The following ENKUR variants were observed in gnomAD, a reference collection of about 807,000 sequenced individuals.
The protein encoded by ENKUR is enkurin.
A neutral mutation model predicts 27.6 loss-of-function variants in ENKUR; 19 were observed. The ratio of observed to expected loss-of-function variants is 0.69; its 90% confidence interval spans 0.48 to 1.01. ENKUR has a LOEUF of 1.01. Ranked by LOEUF, ENKUR falls within the 50% of genes least tolerant of loss-of-function variation. ENKUR has a pLI of 0.00. For missense variants in ENKUR, 312 were observed against 310.5 expected, an observed-to-expected ratio of 1.00 and a Z score of -0.04; for synonymous variants, 117 against 96.9, an observed-to-expected ratio of 1.21 and a Z score of -1.22.
At chr10:24,991,626 A>G (rs908087878) in intron 3 of ENKUR, among the ~76,000 whole-genome samples, 1 of 152,144 alleles carries the variant, frequency 6.6e-6, no homozygotes, top group Non-Finnish European at 1.5e-5. Flanking sequence ...GGCTCCAGGG[A>G]AAAACCATCT....
chr10:24,989,292 T>C (rs1273112188), intron 4 of ENKUR, among the ~76,000 whole-genome samples: 1 of 152,194 alleles, frequency 6.6e-6, no homozygotes, highest in African/African-American at 2.4e-5. Context: ...CCTTCCTCCT[T>C]TGCAGCAGAC....
intron 1 of ENKUR, among the ~76,000 whole-genome samples, chr10:25,007,608 G>A (rs1409993199): frequency 6.6e-6 from 1 of 152,018 alleles, no homozygotes; most frequent in East Asian, 1.9e-4. Context: ...GTAATTTTTT[G>A]TATTTTTAGT....
chr10:25,018,793 G>A (rs1850662620), upstream of ENKUR, among the ~76,000 whole-genome samples: 1 of 150,542 alleles, frequency 6.6e-6, no homozygotes, highest in Non-Finnish European at 1.5e-5. Flanking sequence ...AATTCTCAAA[G>A]TTATAGAATT....
intron 2 of ENKUR, among the ~76,000 whole-genome samples, chr10:25,029,275 T>C (rs1244388184): frequency 2.0e-5 from 3 of 152,224 alleles, no homozygotes; most frequent in Admixed American, 6.5e-5. Context: ...GCTATGGTTA[T>C]AATTTCTAGC....
Position 24,999,382 on chromosome 10 carries a change from A to C in ENKUR, c.223+19T>G. On this transcript the variant is annotated intron_variant, in intron 2 of 5. Transcript: ENST00000331161. ...TGCTAATGCTTTTAATATTAAAAAT[A>C]AAGCATGATAAAACCTACTGGGTGG... is the stretch of plus-strand genomic sequence containing the variant. 6.3e-7 allele frequency: 1 copy of C among 1,579,426 alleles called. No individual in the cohort carries two copies. The highest frequency in any genetic ancestry group is 1.2e-5 in the South Asian group (1 of 84,892).
chr10:25,052,282 A>G (rs1031456468), intron 2 of ENKUR, among the ~76,000 whole-genome samples: 1 of 152,248 alleles, frequency 6.6e-6, no homozygotes, highest in Admixed American at 6.5e-5. Flanking sequence ...TAAAGAGGTC[A>G]GTATGCTAAA....
In ENKUR at chr10:24,995,742, C is replaced by T. The variant is rs1850036019; in HGVS notation, c.351G>A (p.Val117=). The T allele has an allele frequency of 1.9e-6, 3 of 1,613,972 alleles. No individual in the cohort carries two copies. The highest frequency in any genetic ancestry group is 2.2e-5 in the East Asian group (1 of 44,864). ...NTNAADIIMG[V]AKKPKPIYVD... ...CATAAATTGGTTTAGGCTTTTTAGC[C>T]ACTCCCATGATGATATCAGCTGCAT... is the stretch of plus-strand genomic sequence containing the variant. The change falls in exon 3 of 6, where the codon GTG becomes GTA. Residue 117 remains valine, a synonymous_variant. Transcript: ENST00000331161.
chr10:24,986,401 G>A (rs1050841830), intron 4 of ENKUR, among the ~76,000 whole-genome samples: 25 of 152,162 alleles, frequency 1.6e-4, no homozygotes, highest in African/African-American at 6.0e-4. Flanking sequence ...AGAAGAAAAA[G>A]TATCCAGGTT....
At chr10:25,051,018 C>T (rs1291813651) in intron 2 of ENKUR, among the ~76,000 whole-genome samples, 1 of 152,080 alleles carries the variant, frequency 6.6e-6, no homozygotes, top group African/African-American at 2.4e-5. Flanking sequence ...TTTATTTTCC[C>T]GTGCATGCCT....
chr10:25,008,226 C>T (rs1338826914), intron 1 of ENKUR, among the ~76,000 whole-genome samples: 1 of 151,980 alleles, frequency 6.6e-6, no homozygotes, highest in Admixed American at 6.6e-5. Context: ...GGAATTTTAG[C>T]ATAAAATGTC....
chr10:25,024,025 C>T, intron 2 of ENKUR: 1 of 1,614,142 alleles, frequency 6.2e-7, no homozygotes. Flanking sequence ...CCTCTTTGTT[C>T]CTGCAAAGGA....
At chr10:24,987,490 TA>T (rs887478811) in intron 4 of ENKUR, among the ~76,000 whole-genome samples, 4 of 150,538 alleles carry the variant, frequency 2.7e-5, no homozygotes, top group Admixed American at 1.3e-4. Context: ...AAAAATGAAA[TA>T]AAAAAAAATC....
At chr10:25,022,161 G>A (rs1056771694) in intron 2 of ENKUR, among the ~76,000 whole-genome samples, 3 of 152,102 alleles carry the variant, frequency 2.0e-5, no homozygotes, top group African/African-American at 2.4e-5. Flanking sequence ...TGCATTTTAC[G>A]TAACTAAAAA....
intron 3 of ENKUR, 23 bp from the exon 4 acceptor site, chr10:24,990,632 A>G: frequency 6.3e-7 from 1 of 1,586,202 alleles, no homozygotes; most frequent in South Asian, 1.2e-5. Flanking sequence ...TGCAGAAAAA[A>G]GTAATCAATA....
intron 1 of ENKUR, 52 bp downstream of exon 1, chr10:25,015,808 C>A: frequency 6.7e-7 from 1 of 1,498,740 alleles, no homozygotes; most frequent in Non-Finnish European, 9.0e-7. Flanking sequence ...TTAATTAATA[C>A]TGAGTATTCC....
chr10:25,011,771 C>G (rs1850450060), intron 1 of ENKUR, among the ~76,000 whole-genome samples: 1 of 152,158 alleles, frequency 6.6e-6, no homozygotes, highest in Non-Finnish European at 1.5e-5. Flanking sequence ...CATAAAAGTT[C>G]AGAAAATTTG....
intron 2 of ENKUR, among the ~76,000 whole-genome samples, chr10:25,042,217 T>C (rs1851071848): frequency 6.6e-6 from 1 of 151,746 alleles, no homozygotes; most frequent in Non-Finnish European, 1.5e-5. Context: ...GAGAGAAAGA[T>C]TAAAGCTAGA....
intron 1 of ENKUR, among the ~76,000 whole-genome samples, chr10:25,015,255 A>AT (rs1850540536): frequency 1.3e-5 from 2 of 152,196 alleles, no homozygotes; most frequent in African/African-American, 4.8e-5. Context: ...TCAATTACAT[A>AT]TTTTTTGGTT....
At chr10:25,050,166 C>G (rs1177047287) in intron 2 of ENKUR, among the ~76,000 whole-genome samples, 4 of 152,178 alleles carry the variant, frequency 2.6e-5, no homozygotes, top group African/African-American at 9.7e-5. Context: ...CCAAACCACT[C>G]AGAAGGGATC....
Sources: gnomAD v4.1 joint callset for allele counts (sites outside exome capture counted in the v4.1 genomes callset) on GRCh38, gnomAD v4.1.1 for gene constraint, MANE v1.5 for transcripts, NCBI Gene and HGNC (gene_info 2026-07-23, HGNC 2026-07-21) for gene names.